Variants in SNTG1 observed in about 807,000 individuals in gnomAD.
SNTG1 encodes the protein syntrophin gamma 1, also known as gamma-1-syntrophin.
In SNTG1, 39 loss-of-function variants were observed where a neutral mutation model predicts 74.7. The ratio of observed to expected loss-of-function variants is 0.52; its 90% CI spans 0.40 to 0.68. The LOEUF (loss-of-function observed/expected upper bound fraction) is 0.68. SNTG1 is among the 30% of genes least tolerant of loss of function. The probability of loss-of-function intolerance (pLI) is 0.00; values close to 1 mark genes in which losing one functional copy is unlikely to be tolerated. For missense variants in SNTG1, 685 were observed against 609.5 expected (o/e 1.12, Z -1.30); for synonymous variants, 254 against 217.1 (o/e 1.17, Z -1.49).
At chr8:50,001,864 A>AGTGT (rs1327333099) in intron 1 of SNTG1, among the ~76,000 whole-genome samples, 1 of 152,166 alleles carries the variant, frequency 6.6e-6, no homozygotes, top group Non-Finnish European at 1.5e-5. Context: ...GATTTATACA[A>AGTGT]CCTTCTTAGG....
intron 15 of SNTG1, among the ~76,000 whole-genome samples, chr8:50,703,333 T>G (rs11998686): frequency 0.21 from 31,327 of 152,028 alleles, 3,324 homozygotes; most frequent in South Asian, 0.31. Context: ...TTTTTAAAAT[T>G]TTTATAAAAA....
chr8:50,435,273 A>G (rs1314093465), intron 4 of SNTG1, among the ~76,000 whole-genome samples: 2 of 152,304 alleles, frequency 1.3e-5, no homozygotes, highest in East Asian at 3.9e-4. Flanking sequence ...ATGAAACTGT[A>G]TAGGAGCATC....
chr8:50,051,349 T>C (rs1360670140), intron 1 of SNTG1, among the ~76,000 whole-genome samples: 1 of 151,980 alleles, frequency 6.6e-6, no homozygotes, highest in Non-Finnish European at 1.5e-5. Context: ...ATATAAATTG[T>C]ATTTTGTACA....
chr8:50,538,079 T>C (rs2094320228), intron 11 of SNTG1, among the ~76,000 whole-genome samples: 1 of 152,328 alleles, frequency 6.6e-6, no homozygotes, highest in Non-Finnish European at 1.5e-5. Flanking sequence ...TGCATAGTTT[T>C]CTGACTGGTT....
chr8:49,958,015 A>AG (rs1171817962), intron 1 of SNTG1, among the ~76,000 whole-genome samples: 1 of 152,230 alleles, frequency 6.6e-6, no homozygotes, highest in Non-Finnish European at 1.5e-5. Flanking sequence ...TCTTAAAAAA[A>AG]AAATTCTGCT....
At chr8:50,386,712 C>A (rs747817887) in intron 2 of SNTG1, among the ~76,000 whole-genome samples, 12 of 151,164 alleles carry the variant, frequency 7.9e-5, no homozygotes, top group Non-Finnish European at 1.6e-4. Flanking sequence ...AGAGAGGAAG[C>A]AAGAGAGAAA....
At chr8:50,538,513 A>C (rs775335664) in intron 11 of SNTG1, among the ~76,000 whole-genome samples, 112 of 152,120 alleles carry the variant, frequency 7.4e-4, no homozygotes, top group Non-Finnish European at 1.4e-3. Context: ...CAGTACCTAA[A>C]ATATGTTAGG....
chr8:50,745,539 AC>A (rs2095553200), intron 17 of SNTG1, among the ~76,000 whole-genome samples: 1 of 152,074 alleles, frequency 6.6e-6, no homozygotes. Flanking sequence ...ATATGATTTA[AC>A]AGTGCAGCTT....
chr8:50,565,007 A>T (rs2094508055), intron 12 of SNTG1, among the ~76,000 whole-genome samples: 1 of 152,060 alleles, frequency 6.6e-6, no homozygotes, highest in South Asian at 2.1e-4. Context: ...GTGATGTCAA[A>T]TTAATAATAT....
intron 2 of SNTG1, among the ~76,000 whole-genome samples, chr8:50,303,877 A>G (rs967709969): frequency 6.6e-6 from 1 of 152,146 alleles, no homozygotes; most frequent in Non-Finnish European, 1.5e-5. Flanking sequence ...TTATTTTTTA[A>G]CTTTAAAAAA....
chr8:50,222,808 C>T (rs918676223), intron 2 of SNTG1, among the ~76,000 whole-genome samples: 4 of 152,098 alleles, frequency 2.6e-5, no homozygotes, highest in Non-Finnish European at 5.9e-5. Flanking sequence ...GAACTAGTGA[C>T]CACAGTTGCA....
At chr8:50,492,519 G>T (rs558946316) in intron 8 of SNTG1, among the ~76,000 whole-genome samples, 31 of 152,224 alleles carry the variant, frequency 2.0e-4, no homozygotes, top group Middle Eastern at 3.4e-3. Context: ...TCATATGTTT[G>T]TTGGCCACAT....
chr8:50,022,469 C>T (rs1816912342), intron 1 of SNTG1, among the ~76,000 whole-genome samples: 1 of 152,100 alleles, frequency 6.6e-6, no homozygotes, highest in African/African-American at 2.4e-5. Flanking sequence ...TCCTGGGATT[C>T]CAGGGAAAGT....
chr8:50,081,257 C>A (rs189003219), intron 1 of SNTG1, among the ~76,000 whole-genome samples: 1 of 130,356 alleles, frequency 7.7e-6, no homozygotes, highest in Non-Finnish European at 1.6e-5. Context: ...TATTTTCTGC[C>A]ATAATTTTTT....
At chr8:50,662,017 GA>G (rs1172480687) in intron 15 of SNTG1, among the ~76,000 whole-genome samples, 10 of 152,152 alleles carry the variant, frequency 6.6e-5, no homozygotes, top group Non-Finnish European at 8.8e-5. Context: ...CCTGCATGCA[GA>G]TTACCTTCTG....
At position 50,420,087 on chromosome 8, in the gene SNTG1, A is replaced by C. The variant is rs577074056; in HGVS notation, c.162+17743A>C. Among the ~76,000 whole-genome samples the C allele has an allele frequency of 9.6e-4, 146 of 152,260 alleles. 1 individual carries two copies. The highest frequency in any genetic ancestry group is 1.7e-3 in the Admixed American group (26 of 15,272). ...TATTTGAGCAGAGTCCCCTGAGAAG[A>C]AAAAGAGTTCAGACTCAGAGTATTT... On this transcript the variant is annotated intron_variant, in intron 4 of 18. Coordinates refer to ENST00000642720, the MANE Select transcript of SNTG1 (RefSeq NM_018967.5).
intron 1 of SNTG1, among the ~76,000 whole-genome samples, chr8:49,973,197 G>A (rs1446177591): frequency 5.3e-5 from 8 of 152,120 alleles, no homozygotes; most frequent in African/African-American, 1.9e-4. Flanking sequence ...AAAAAGATGA[G>A]TTCATGTCCT....
At chr8:50,476,223 G>A (rs1036067155) in intron 8 of SNTG1, among the ~76,000 whole-genome samples, 1 of 152,052 alleles carries the variant, frequency 6.6e-6, no homozygotes. Context: ...TTTGTTATTA[G>A]TTGCTGTTAA....
At chr8:50,510,437 G>C (rs1373141553) in intron 9 of SNTG1, among the ~76,000 whole-genome samples, 2 of 152,196 alleles carry the variant, frequency 1.3e-5, no homozygotes, top group Non-Finnish European at 2.9e-5. Flanking sequence ...CATAAAATGA[G>C]TTAGGGAGGA....
Sources: allele counts gnomAD v4.1 joint callset (sites outside exome capture counted in the v4.1 genomes callset), GRCh38; gene constraint gnomAD v4.1.1; transcripts MANE v1.5; gene names NCBI Gene and HGNC (gene_info 2026-07-23, HGNC 2026-07-21).